The following OCA2 variants were observed in gnomAD, a reference collection of about 807,000 sequenced individuals.
OCA2 encodes OCA2 melanosomal transmembrane protein.
Under a neutral mutation model 100.2 loss-of-function variants are expected in OCA2, and 77 were observed. The ratio of observed to expected loss-of-function variants is 0.77; its 90% CI spans 0.64 to 0.93. The LOEUF (loss-of-function observed/expected upper bound fraction) is 0.93. Among genes scored for constraint, OCA2 ranks in the 40% least tolerant of loss-of-function variants. The pLI is 0.00. For synonymous variants in OCA2, 432 were observed against 439.2 expected (o/e 0.98, Z 0.21); for missense variants, 1,062 against 1,089.1 (o/e 0.98, Z 0.35).
intron 19 of OCA2, among the ~76,000 whole-genome samples, chr15:27,916,002 T>C (rs1443378096): frequency 6.6e-6 from 1 of 152,176 alleles, no homozygotes; most frequent in Non-Finnish European, 1.5e-5. Context: ...CATGGAATAC[T>C]ATGCAGCCAT....
At chr15:27,779,996 T>C (rs895141203) in intron 23 of OCA2, among the ~76,000 whole-genome samples, 3 of 148,714 alleles carry the variant, frequency 2.0e-5, no homozygotes, top group Admixed American at 6.7e-5. Context: ...GTAGATCTCA[T>C]GTTAAAAGTT....
chr15:27,938,289 T>C (rs2039527630), intron 18 of OCA2, among the ~76,000 whole-genome samples: 1 of 152,166 alleles, frequency 6.6e-6, no homozygotes, highest in Admixed American at 6.5e-5. Context: ...CTGCCTCAGC[T>C]TACGTGCCAC....
chr15:27,978,135 T>C (rs2041029001), intron 14 of OCA2, among the ~76,000 whole-genome samples: 1 of 152,260 alleles, frequency 6.6e-6, no homozygotes, highest in Non-Finnish European at 1.5e-5. Flanking sequence ...TATATTCTAA[T>C]TTAATTCAAC....
In OCA2 at chr15:28,022,578, A is replaced by G; in HGVS notation, c.574-5T>C. 6.2e-7 allele frequency: 1 copy of G among 1,609,954 alleles called. No individual in the cohort carries two copies. Among genetic ancestry groups the G allele is most frequent in the Non-Finnish European group, 8.5e-7 (1 of 1,176,214 alleles). ...CGGATATAGGCTGAACAAAATCTGT[A>G]ACAATCAGAAACGTTGAATGACAGA... is the stretch of plus-strand genomic sequence containing the variant. On this transcript the variant is annotated splice_region_variant and splice_polypyrimidine_tract_variant and intron_variant, in intron 5 of 23. Transcript: ENST00000354638.
At chr15:27,940,702 C>T (rs770581919) in intron 18 of OCA2, among the ~76,000 whole-genome samples, 1 of 152,158 alleles carries the variant, frequency 6.6e-6, no homozygotes, top group African/African-American at 2.4e-5. Context: ...TGTTTGCAAA[C>T]GTTGAAAGAA....
At chr15:28,065,531 C>A (rs1243287856) in intron 2 of OCA2, among the ~76,000 whole-genome samples, 1 of 152,116 alleles carries the variant, frequency 6.6e-6, no homozygotes, top group East Asian at 1.9e-4. Flanking sequence ...CAAATCAGAG[C>A]AAACGCAATA....
At chr15:27,964,620 G>A (rs985626339) in intron 15 of OCA2, among the ~76,000 whole-genome samples, 3 of 152,192 alleles carry the variant, frequency 2.0e-5, no homozygotes, top group African/African-American at 4.8e-5. Flanking sequence ...CCAACACAAG[G>A]AAGAAAACAC....
At chr15:28,007,418 G>C (rs2042119895) in intron 9 of OCA2, among the ~76,000 whole-genome samples, 1 of 152,156 alleles carries the variant, frequency 6.6e-6, no homozygotes, top group South Asian at 2.1e-4. Flanking sequence ...TGTTCTTTGG[G>C]ACTTTCAACA....
intron 2 of OCA2, among the ~76,000 whole-genome samples, chr15:28,078,003 T>G (rs993143772): frequency 1.3e-5 from 2 of 152,168 alleles, no homozygotes; most frequent in African/African-American, 4.8e-5. Flanking sequence ...CGCCTGAACC[T>G]GGGAGGCAGA....
chr15:27,763,966 A>G (rs2031048988), intron 23 of OCA2, among the ~76,000 whole-genome samples: 1 of 152,140 alleles, frequency 6.6e-6, no homozygotes, highest in African/African-American at 2.4e-5. Flanking sequence ...GAAACCCCTC[A>G]GGACACAGGT....
intron 23 of OCA2, among the ~76,000 whole-genome samples, chr15:27,786,535 T>G (rs1286993417): frequency 1.3e-5 from 2 of 152,186 alleles, no homozygotes; most frequent in Non-Finnish European, 2.9e-5. Flanking sequence ...TTTTATCCTT[T>G]CTGATACTAT....
intron 18 of OCA2, among the ~76,000 whole-genome samples, chr15:27,943,504 A>G (rs1234620501): frequency 6.6e-6 from 1 of 152,022 alleles, no homozygotes; most frequent in Non-Finnish European, 1.5e-5. Context: ...TTCCCTTTCC[A>G]AAACCTTTCC....
chr15:28,080,005 G>A (rs1487774386), intron 2 of OCA2, among the ~76,000 whole-genome samples: 1 of 152,182 alleles, frequency 6.6e-6, no homozygotes, highest in Non-Finnish European at 1.5e-5. Context: ...AAAGAACTTG[G>A]AACATATGCA....
chr15:27,866,389 C>T (rs558824381), intron 21 of OCA2, among the ~76,000 whole-genome samples: 5 of 152,252 alleles, frequency 3.3e-5, no homozygotes, highest in South Asian at 4.1e-4. Context: ...CTAGGGTCTG[C>T]GACTCTGAGA....
At chr15:27,737,168 TTCTACAAA>T in the OCA2 span, among the ~76,000 whole-genome samples, 1 of 152,228 alleles carries the variant, frequency 6.6e-6, no homozygotes. Flanking sequence ...CCCACAGAAC[TTCTACAAA>T]TCATTCTTCA....
At chr15:27,917,299 C>T (rs867699768) in intron 19 of OCA2, among the ~76,000 whole-genome samples, 2 of 152,006 alleles carry the variant, frequency 1.3e-5, no homozygotes, top group Non-Finnish European at 2.9e-5. Flanking sequence ...TCACAAGCAG[C>T]GTGATTAATA....
At chr15:27,759,433 T>G (rs1347004235) in intron 23 of OCA2, among the ~76,000 whole-genome samples, 1 of 152,006 alleles carries the variant, frequency 6.6e-6, no homozygotes, top group East Asian at 1.9e-4. Flanking sequence ...AAATTATGTT[T>G]GATGGTTGAA....
chr15:27,763,479 CAA>C (rs2151000298), intron 23 of OCA2, among the ~76,000 whole-genome samples: 1 of 152,262 alleles, frequency 6.6e-6, no homozygotes, highest in Admixed American at 6.5e-5. Flanking sequence ...AGAAAACGAA[CAA>C]AAGACATGAA....
At chr15:28,015,980 C>T (rs929192974) in intron 8 of OCA2, 124 bp downstream of exon 8, 26 of 760,078 alleles carry the variant, frequency 3.4e-5, no homozygotes, top group South Asian at 5.7e-5. Context: ...GCATGAGTGC[C>T]GTGTCCAAGT....
Sources: allele counts gnomAD v4.1 joint callset (sites outside exome capture counted in the v4.1 genomes callset), GRCh38; gene constraint gnomAD v4.1.1; transcripts MANE v1.5; gene names NCBI Gene and HGNC (gene_info 2026-07-23, HGNC 2026-07-21).